The following CFAP92 variants were observed in gnomAD, a reference collection of about 807,000 sequenced individuals.
The protein encoded by CFAP92 is uncharacterized protein CFAP92.
In CFAP92, 86 loss-of-function variants were observed where a neutral mutation model predicts 106.3. The ratio of observed to expected loss-of-function variants is 0.81; its 90% CI spans 0.68 to 0.97. The LOEUF (loss-of-function observed/expected upper bound fraction) is 0.97, where lower values mean the gene tolerates loss of function less well. CFAP92 is among the 50% of genes least tolerant of loss of function. The pLI, the probability that CFAP92 is intolerant of heterozygous loss-of-function variation, is 0.00. For synonymous variants in CFAP92, 477 were observed against 506.4 expected, an observed-to-expected ratio of 0.94 and a Z score of 0.78; for missense variants, 1,204 against 1,283.8, an observed-to-expected ratio of 0.94 and a Z score of 0.95.
At chr3:128,962,598 A>G (rs1233774474) in intron 9 of CFAP92, among the ~76,000 whole-genome samples, 1 of 152,106 alleles carries the variant, frequency 6.6e-6, no homozygotes, top group Non-Finnish European at 1.5e-5. Context: ...ACCCACAAGT[A>G]TAAGAGACCT....
At position 128,933,075 on chromosome 3, in the gene CFAP92, G is replaced by A; in HGVS notation, c.2454-78C>T. 9 of 1,324,068 alleles carry A rather than the reference G, an allele frequency of 6.8e-6. 1 individual carries two copies. In the South Asian group the frequency reaches 1.2e-4, roughly 17 times the overall value. The allele number at this position is 1,324,068 out of a possible 1,614,324, so 82.0% of individuals were successfully genotyped here. On this transcript the variant is annotated intron_variant, in intron 11 of 15. Transcript: ENST00000645291. ...TGTAATCACTCCCATCCTACAGCAG[G>A]AAATGAACACTCAGAGGCTGCTTAG...
intron 10 of CFAP92, among the ~76,000 whole-genome samples, chr3:128,940,189 A>G (rs1034556737): frequency 5.3e-5 from 8 of 152,008 alleles, no homozygotes; most frequent in Middle Eastern, 3.2e-3. Flanking sequence ...TTATTTGTTT[A>G]CCCTTTTACT....
intron 15 of CFAP92, among the ~76,000 whole-genome samples, chr3:128,911,080 G>T (rs1432845284): frequency 1.3e-5 from 2 of 152,238 alleles, no homozygotes; most frequent in African/African-American, 4.8e-5. Flanking sequence ...TTTCGAGATG[G>T]AGTTTCGCTC....
At chr3:128,983,617 G>A (rs182482664) in intron 4 of CFAP92, among the ~76,000 whole-genome samples, 1 of 152,162 alleles carries the variant, frequency 6.6e-6, no homozygotes, top group Non-Finnish European at 1.5e-5. Context: ...GATGAAAGAC[G>A]CTACAAGAAA....
At chr3:128,956,445 A>G (rs1446821622) in intron 9 of CFAP92, among the ~76,000 whole-genome samples, 1 of 152,056 alleles carries the variant, frequency 6.6e-6, no homozygotes, top group Non-Finnish European at 1.5e-5. Flanking sequence ...CAAAATACAT[A>G]AGCCTATAGA....
intron 12 of CFAP92, among the ~76,000 whole-genome samples, chr3:128,920,849 C>T (rs1386598276): frequency 6.6e-6 from 1 of 152,230 alleles, no homozygotes; most frequent in African/African-American, 2.4e-5. Flanking sequence ...TGGCTCCTTG[C>T]TTCTAGCACT....
At chr3:129,024,659 G>A in the CFAP92 span, among the ~76,000 whole-genome samples, 32 of 152,316 alleles carry the variant, frequency 2.1e-4, no homozygotes, top group African/African-American at 7.2e-4. Context: ...GAAGAAGGTA[G>A]AAGAACAAAA....
intron 7 of CFAP92, among the ~76,000 whole-genome samples, chr3:128,975,426 GGGAT>G (rs142490124): frequency 0.27 from 40,176 of 148,752 alleles, 5,635 homozygotes; most frequent in East Asian, 0.5. Flanking sequence ...TGGATGGATA[GGGAT>G]GGATGGATGG....
chr3:128,930,122 TG>T (rs1412770770), intron 12 of CFAP92, among the ~76,000 whole-genome samples: 1 of 152,126 alleles, frequency 6.6e-6, no homozygotes, highest in Admixed American at 6.5e-5. Flanking sequence ...GTAAATAAAT[TG>T]TATACTACTA....
intron 1 of CFAP92, among the ~76,000 whole-genome samples, chr3:128,999,381 T>C (rs376802165): frequency 2.6e-5 from 4 of 152,058 alleles, no homozygotes; most frequent in African/African-American, 7.2e-5. Context: ...CAGCAAGACA[T>C]TTAAAAGCTT....
chr3:128,960,762 C>T (rs548058994), intron 9 of CFAP92, among the ~76,000 whole-genome samples: 6 of 152,322 alleles, frequency 3.9e-5, no homozygotes, highest in East Asian at 1.9e-4. Flanking sequence ...TCACCCTCAG[C>T]GGCAAGTCCC....
At chr3:128,994,848 G>A (rs1170573439), upstream of CFAP92, among the ~76,000 whole-genome samples, 2 of 152,218 alleles carry the variant, frequency 1.3e-5, no homozygotes, top group African/African-American at 4.8e-5. Flanking sequence ...CAAATCTGGG[G>A]GGTGACTAGG....
At chr3:128,993,862 G>C in intron 1 of CFAP92, 118 bp downstream of exon 1, 1 of 779,588 alleles carries the variant, frequency 1.3e-6, no homozygotes. Flanking sequence ...CATGGAGGCG[G>C]AACGCCGGGC....
At position 128,975,894 on chromosome 3, in the gene CFAP92, AAC is replaced by A; in HGVS notation, c.904_905del (p.Val302PhefsTer21). On this transcript the variant is annotated frameshift_variant, in exon 7 of 16. Coordinates refer to ENST00000645291, the MANE Select transcript of CFAP92 (RefSeq NM_001394090.1). LOFTEE classifies it high-confidence loss of function. ...CCAAAGAAATGGTTGGTGTTCTTGA[AAC>A]ACTCCATCTAGAAAATTCACAAAGA... ...MDDSSTIQWS[V>X]SRTPTISLAG... 1.9e-6 allele frequency: 3 copies of A among 1,603,652 alleles called. No individual in the cohort carries two copies. The highest frequency in any genetic ancestry group is 2.5e-6 in the Non-Finnish European group (3 of 1,176,696).
At chr3:128,993,445 G>T in intron 1 of CFAP92, 109 bp from the exon 2 acceptor site, 1 of 1,184,408 alleles carries the variant, frequency 8.4e-7, no homozygotes, top group Non-Finnish European at 1.2e-6. Flanking sequence ...TGCTTCCCCC[G>T]CCTGCTCCTA....
In CFAP92 at chr3:128,999,468, G is replaced by A. The variant is rs567225341; in HGVS notation, n.117+3106C>T. Among the ~76,000 whole-genome samples, 5 of 152,032 alleles carry A rather than the reference G, an allele frequency of 3.3e-5. No individual in the cohort carries two copies. The South Asian group carries it at 1.0e-3, about 32-fold the overall frequency. Reference sequence around the variant, plus strand: ...ACCAGCTGCAGGGATGGGGGGTGGGGAGGGTGTTGCACTCTTGCCTGGGCT... The same window carrying A: ...ACCAGCTGCAGGGATGGGGGGTGGGAAGGGTGTTGCACTCTTGCCTGGGCT... On this transcript the variant is annotated intron_variant and non_coding_transcript_variant, in intron 1 of 4. Transcript: ENST00000510149.
intron 7 of CFAP92, among the ~76,000 whole-genome samples, chr3:128,972,710 C>T (rs926671765): frequency 1.3e-4 from 20 of 151,850 alleles, no homozygotes; most frequent in African/African-American, 4.8e-4. Flanking sequence ...AAAAAATTAG[C>T]CAGGTGTGGT....
At chr3:128,976,580 A>G (rs956162237) in intron 6 of CFAP92, among the ~76,000 whole-genome samples, 10 of 152,154 alleles carry the variant, frequency 6.6e-5, no homozygotes, top group Non-Finnish European at 1.5e-4. Flanking sequence ...TTCTTGGGCT[A>G]CCAGAGACCC....
chr3:128,937,332 A>AC (rs1553745112), intron 10 of CFAP92, among the ~76,000 whole-genome samples: 4,325 of 143,484 alleles, frequency 0.03, 154 homozygotes, highest in South Asian at 0.1. Context: ...AAAAAAAAAA[A>AC]CCACGCGTAG....
Sources: gnomAD v4.1 joint callset for allele counts (sites outside exome capture counted in the v4.1 genomes callset) on GRCh38, gnomAD v4.1.1 for gene constraint, MANE v1.5 for transcripts, NCBI Gene and HGNC (gene_info 2026-07-23, HGNC 2026-07-21) for gene names.